CNTNAP2: variants seen among roughly 807,000 people sequenced by gnomAD.
CNTNAP2 encodes the protein contactin-associated protein-like 2.
In CNTNAP2, 98 loss-of-function variants were observed where a neutral mutation model predicts 155.2. That is an observed-to-expected ratio of 0.63 (90% CI 0.54 to 0.75). The LOEUF (loss-of-function observed/expected upper bound fraction) is 0.75, where lower values mean the gene tolerates loss of function less well. Among genes scored for constraint, CNTNAP2 ranks in the 30% least tolerant of loss-of-function variants. The pLI is 0.00. For missense variants in CNTNAP2, 1,727 were observed against 1,688.1 expected, an observed-to-expected ratio of 1.02 and a Z score of -0.40; for synonymous variants, 651 against 631.2, an observed-to-expected ratio of 1.03 and a Z score of -0.47.
intron 13 of CNTNAP2, among the ~76,000 whole-genome samples, chr7:147,710,795 G>C (rs1015805043): frequency 6.6e-6 from 1 of 152,074 alleles, no homozygotes; most frequent in African/African-American, 2.4e-5. Context: ...TATAAGAACT[G>C]GTATGCTAAA....
intron 1 of CNTNAP2, among the ~76,000 whole-genome samples, chr7:146,356,006 G>A (rs997515526): frequency 6.6e-6 from 1 of 151,452 alleles, no homozygotes; most frequent in Non-Finnish European, 1.5e-5. Context: ...ACCCTCTTCA[G>A]CTAGAAGTCT....
intron 1 of CNTNAP2, among the ~76,000 whole-genome samples, chr7:146,704,028 T>C (rs1800921418): frequency 6.6e-6 from 1 of 152,172 alleles, no homozygotes; most frequent in Admixed American, 6.6e-5. Context: ...ACTTTGATTG[T>C]TACCTGTGTT....
chr7:147,896,934 G>A (rs965698416), intron 13 of CNTNAP2: 3 of 152,166 alleles, frequency 2.0e-5, no homozygotes, highest in African/African-American at 7.2e-5. Context: ...GGACAGCAAG[G>A]AGGTTAGAAG....
chr7:147,903,494 GGGTGT>G, intron 13 of CNTNAP2, 66 bp from the exon 14 acceptor site: 1 of 1,497,344 alleles, frequency 6.7e-7, no homozygotes, highest in Non-Finnish European at 9.3e-7. Flanking sequence ...CTGGGGAAGT[GGGTGT>G]AAGTGTGGCA....
At chr7:146,985,914 T>A (rs1037196915) in intron 3 of CNTNAP2, among the ~76,000 whole-genome samples, 5 of 152,164 alleles carry the variant, frequency 3.3e-5, no homozygotes, top group African/African-American at 1.2e-4. Context: ...AGTCTGTTTT[T>A]AAAATCTTAA....
At chr7:146,913,880 G>A (rs1342470411) in intron 3 of CNTNAP2, among the ~76,000 whole-genome samples, 1 of 151,914 alleles carries the variant, frequency 6.6e-6, no homozygotes, top group Non-Finnish European at 1.5e-5. Context: ...CGTACCCAAT[G>A]TGTAGTTTTT....
At chr7:148,095,180 A>G (rs1342058022) in intron 15 of CNTNAP2, among the ~76,000 whole-genome samples, 2 of 152,122 alleles carry the variant, frequency 1.3e-5, no homozygotes, top group Admixed American at 1.3e-4. Context: ...AGACCCACAG[A>G]AACGCCAGTT....
chr7:146,190,175 G>A (rs113905031), intron 1 of CNTNAP2, among the ~76,000 whole-genome samples: 2,324 of 152,268 alleles, frequency 0.015, 50 homozygotes, highest in African/African-American at 0.052. Context: ...TTGTTAATTA[G>A]GAGACTGAAC....
intron 15 of CNTNAP2, among the ~76,000 whole-genome samples, chr7:148,043,791 A>G (rs1216118069): frequency 6.6e-6 from 1 of 152,210 alleles, no homozygotes; most frequent in African/African-American, 2.4e-5. Flanking sequence ...TACTTGAAGT[A>G]TCTTATACAA....
intron 11 of CNTNAP2, among the ~76,000 whole-genome samples, chr7:147,499,655 C>A (rs1374753213): frequency 6.6e-6 from 1 of 152,170 alleles, no homozygotes; most frequent in Non-Finnish European, 1.5e-5. Context: ...TACCCTAGTT[C>A]TCTCCCCCAA....
chr7:148,057,093 G>T (rs1585101566), intron 15 of CNTNAP2, among the ~76,000 whole-genome samples: 1 of 152,276 alleles, frequency 6.6e-6, no homozygotes, highest in East Asian at 1.9e-4. Context: ...AGGCTTGAGT[G>T]GTATTCACAG....
intron 8 of CNTNAP2, among the ~76,000 whole-genome samples, chr7:147,170,376 T>C (rs1470083578): frequency 3.9e-5 from 6 of 152,108 alleles, no homozygotes; most frequent in African/African-American, 1.4e-4. Context: ...GTTCCACTAA[T>C]AGGCCTTCGG....
chr7:147,799,951 T>C (rs1797957932), intron 13 of CNTNAP2, among the ~76,000 whole-genome samples: 2 of 152,234 alleles, frequency 1.3e-5, no homozygotes, highest in African/African-American at 2.4e-5. Flanking sequence ...GTATGATATA[T>C]GCAGTAAGGG....
At chr7:148,332,420 C>G (rs919097046) in intron 21 of CNTNAP2, among the ~76,000 whole-genome samples, 2 of 152,096 alleles carry the variant, frequency 1.3e-5, no homozygotes, top group Non-Finnish European at 2.9e-5. Flanking sequence ...ATGAGCAGTT[C>G]AGAGAGAAAG....
At chr7:146,150,248 C>T (rs1798017598) in intron 1 of CNTNAP2, among the ~76,000 whole-genome samples, 1 of 152,038 alleles carries the variant, frequency 6.6e-6, no homozygotes, top group Non-Finnish European at 1.5e-5. Flanking sequence ...AAAAGATTAA[C>T]AATACCAATT....
chr7:146,903,261 T>A (rs1257690357), intron 3 of CNTNAP2, among the ~76,000 whole-genome samples: 2 of 152,150 alleles, frequency 1.3e-5, no homozygotes, highest in Non-Finnish European at 1.5e-5. Flanking sequence ...AGCTTGAGAA[T>A]CATTTTCTTA....
At chr7:146,872,071 A>C (rs1795320665) in intron 3 of CNTNAP2, among the ~76,000 whole-genome samples, 2 of 152,140 alleles carry the variant, frequency 1.3e-5, no homozygotes, top group African/African-American at 4.8e-5. Flanking sequence ...TTATATTAAA[A>C]GGTAACTATT....
chr7:146,662,480 A>C (rs924602202), intron 1 of CNTNAP2, among the ~76,000 whole-genome samples: 4 of 151,998 alleles, frequency 2.6e-5, no homozygotes, highest in Non-Finnish European at 5.9e-5. Context: ...GTTTTCTATT[A>C]TTGAGTTCAT....
chr7:146,861,680 A>G (rs1306404252), intron 3 of CNTNAP2, among the ~76,000 whole-genome samples: 1 of 152,140 alleles, frequency 6.6e-6, no homozygotes, highest in Non-Finnish European at 1.5e-5. Flanking sequence ...TAGGTCTACA[A>G]ACATAAACTG....
Sources: gnomAD v4.1 joint callset for allele counts (sites outside exome capture counted in the v4.1 genomes callset) on GRCh38, gnomAD v4.1.1 for gene constraint, MANE v1.5 for transcripts, NCBI Gene and HGNC (gene_info 2026-07-23, HGNC 2026-07-21) for gene names.